The following GTPBP6 variants were observed in gnomAD, a reference collection of about 807,000 sequenced individuals.
The protein encoded by GTPBP6 is GTP binding protein 6, also known as putative GTP-binding protein 6.
Under a neutral mutation model 28.9 loss-of-function variants are expected in GTPBP6, and 33 were observed. The ratio of observed to expected loss-of-function variants is 1.14; its 90% CI spans 0.87 to 1.53. The LOEUF (loss-of-function observed/expected upper bound fraction) is 1.53. Ranked by LOEUF, GTPBP6 falls within the 40% of genes most tolerant of loss-of-function variation. GTPBP6 has a pLI of 0.00. For synonymous variants in GTPBP6, 231 were observed against 192.7 expected, an observed-to-expected ratio of 1.20 and a Z score of -1.65; for missense variants, 507 against 408.3, an observed-to-expected ratio of 1.24 and a Z score of -2.08.
intron 5 of GTPBP6, among the ~76,000 whole-genome samples, chrX:313,938 C>G (rs4074620): frequency 6.8e-6 from 1 of 147,958 alleles, no homozygotes; most frequent in Non-Finnish European, 1.5e-5. Context: ...TCTCCTATCT[C>G]CTCAAATGCT....
At chrX:313,865 C>G (rs769499567) in intron 5 of GTPBP6, among the ~76,000 whole-genome samples, 9 of 152,150 alleles carry the variant, frequency 5.9e-5, no homozygotes, top group East Asian at 1.9e-4. Context: ...GCATAGATCT[C>G]TGCTGTTTAA....
At chrX:315,175 T>C in intron 3 of GTPBP6, 54 bp downstream of exon 3, 1 of 345,212 alleles carries the variant, frequency 2.9e-6, no homozygotes, top group Non-Finnish European at 5.1e-6. Context: ...TGGCGTCCCC[T>C]CCTTCATCGC....
intron 5 of GTPBP6, among the ~76,000 whole-genome samples, chrX:313,139 G>C (rs1385636491): frequency 6.6e-6 from 1 of 152,204 alleles, no homozygotes; most frequent in Non-Finnish European, 1.5e-5. Flanking sequence ...TGTCCACCCT[G>C]TGAGGTCAAC....
chrX:304,992 C>A (rs1367882024), exon 10 of GTPBP6: 7 of 1,561,206 alleles, frequency 4.5e-6, no homozygotes, highest in Non-Finnish European at 3.5e-6. Flanking sequence ...CACCTGACAC[C>A]AAGCTGCCCC....
chrX:312,076 G>A, intron 6 of GTPBP6: 1 of 453,436 alleles, frequency 2.2e-6, no homozygotes, highest in Non-Finnish European at 4.3e-6. Context: ...AGACAGAGGA[G>A]AGGCGATGGT....
chrX:314,907 C>T (rs1229225277), exon 4 of GTPBP6: 8 of 398,776 alleles, frequency 2.0e-5, no homozygotes, highest in South Asian at 1.3e-4. Context: ...GCGGCATCTC[C>T]GCCAGGGCCA....
chrX:311,632 G>A lies in GTPBP6; in HGVS notation c.917-5C>T, dbSNP rs774855809. 4 of 1,607,716 alleles carry A rather than the reference G, an allele frequency of 2.5e-6. No individual in the cohort carries two copies. The Admixed American group carries it at 6.7e-5, about 27-fold the overall frequency. ...CCTTGATCAGCGTGGTCTTTCCTAG[G>A]AGGGCGTGGAGGTCAGGGCGCTGCA... On this transcript the variant is annotated splice_region_variant and splice_polypyrimidine_tract_variant and intron_variant, in intron 6 of 9. Transcript: ENST00000326153.
intron 6 of GTPBP6, 138 bp from the exon 7 acceptor site, chrX:311,765 G>T: frequency 1.4e-6 from 1 of 709,058 alleles, no homozygotes; most frequent in Non-Finnish European, 2.5e-6. Flanking sequence ...TGAGCTCCTC[G>T]GGCACCCCGG....
At chrX:317,734 G>GCCC (rs2070466363) in intron 1 of GTPBP6, among the ~76,000 whole-genome samples, 5 of 34,800 alleles carry the variant, frequency 1.4e-4, no homozygotes, top group African/African-American at 3.7e-4. Context: ...CCACCCCACG[G>GCCC]ACCCCACGGG....
At chrX:306,818 CCA>C (rs1405816041) in intron 9 of GTPBP6, among the ~76,000 whole-genome samples, 11 of 147,926 alleles carry the variant, frequency 7.4e-5, no homozygotes, top group Admixed American at 6.8e-4. Context: ...CCTGTTGTAT[CCA>C]CAGTCAGAAA....
chrX:314,302 G>A, intron 4 of GTPBP6, 85 bp from the exon 5 acceptor site: 1 of 1,133,928 alleles, frequency 8.8e-7, no homozygotes, highest in South Asian at 1.3e-5. Context: ...AGGGGGCACT[G>A]AGCTGGGCCT....
At chrX:306,404 G>A (rs1362932626) in intron 9 of GTPBP6, among the ~76,000 whole-genome samples, 1 of 148,294 alleles carries the variant, frequency 6.7e-6, no homozygotes, top group African/African-American at 2.5e-5. Context: ...CCTGTTGTAT[G>A]GTCAGAAATG....
intron 2 of GTPBP6, 134 bp from the exon 3 acceptor site, chrX:315,433 G>C (rs2070411675): frequency 5.0e-6 from 2 of 398,250 alleles, no homozygotes; most frequent in Admixed American, 8.8e-5. Context: ...CTGAGCACGA[G>C]ACCCGGGATC....
At chrX:315,068 C>T (rs2070404246) in intron 3 of GTPBP6, 48 bp from the exon 4 acceptor site, 1 of 398,754 alleles carries the variant, frequency 2.5e-6, no homozygotes, top group South Asian at 1.3e-4. Flanking sequence ...AGGCCGGGCC[C>T]TGGTGGCCAA....
intron 7 of GTPBP6, among the ~76,000 whole-genome samples, chrX:308,985 A>G (rs996206321): frequency 6.6e-6 from 1 of 152,042 alleles, no homozygotes; most frequent in African/African-American, 2.4e-5. Flanking sequence ...TCAACCTCCC[A>G]AAGTGCTGGG....
chrX:308,179 G>T (rs899846889), intron 7 of GTPBP6, among the ~76,000 whole-genome samples: 4 of 152,128 alleles, frequency 2.6e-5, no homozygotes, highest in Non-Finnish European at 5.9e-5. Context: ...CACCCACCCA[G>T]GGGGTCTTCA....
At chrX:313,008 GC>G (rs2070346579) in intron 5 of GTPBP6, 84 bp from the exon 6 acceptor site, 1 of 1,244,446 alleles carries the variant, frequency 8.0e-7, no homozygotes, top group Non-Finnish European at 1.1e-6. Flanking sequence ...GTCTGCGGGG[GC>G]CCGGGGCCTG....
rs1197916988 is a variant in GTPBP6, at chrX:318,327, C to A, written c.349+112G>T. 1.5e-5 allele frequency: 6 copies of A among 391,380 alleles called. No individual in the cohort carries two copies. The East Asian group carries it at 2.2e-4, about 14-fold the overall frequency. 24.2% of individuals were successfully genotyped at this position (391,380 alleles called of 1,614,324 possible). ...GCCCCTGAATCTCCACCTATGAGAT[C>A]GTCCCTTCAGAGCCCCGCCCCTGAA... is the stretch of plus-strand genomic sequence containing the variant. On this transcript the variant is annotated intron_variant, in intron 1 of 9. Coordinates refer to ENST00000326153, the Ensembl canonical transcript of GTPBP6.
chrX:313,539 A>C (rs35174923), intron 5 of GTPBP6, among the ~76,000 whole-genome samples: 6 of 151,790 alleles, frequency 4.0e-5, no homozygotes, highest in Non-Finnish European at 7.4e-5. Flanking sequence ...TCCACATCCT[A>C]ATTCCCAGAA....
Sources: gnomAD v4.1 joint callset for allele counts (sites outside exome capture counted in the v4.1 genomes callset) on GRCh38, gnomAD v4.1.1 for gene constraint, MANE v1.5 for transcripts, NCBI Gene and HGNC (gene_info 2026-07-23, HGNC 2026-07-21) for gene names.